Variants in NRXN3 observed in about 807,000 individuals in gnomAD.
NRXN3 encodes neurexin 3, also known as neurexin III.
Under a neutral mutation model 137.6 loss-of-function variants are expected in NRXN3, and 32 were observed. The ratio of observed to expected loss-of-function variants is 0.23; its 90% CI spans 0.18 to 0.31. The LOEUF (loss-of-function observed/expected upper bound fraction) is 0.31. Ranked by LOEUF, NRXN3 falls within the 10% of genes least tolerant of loss-of-function variation. The pLI is 1.00. For synonymous variants in NRXN3, 798 were observed against 784.5 expected, an observed-to-expected ratio of 1.02 and a Z score of -0.29; for missense variants, 1,574 against 2,062.5, an observed-to-expected ratio of 0.76 and a Z score of 4.59.
At chr14:79,438,747 C>T (rs2095882820) in intron 15 of NRXN3, among the ~76,000 whole-genome samples, 1 of 152,132 alleles carries the variant, frequency 6.6e-6, no homozygotes, top group South Asian at 2.1e-4. Context: ...GTTCAGAGTA[C>T]CTGAAAGAGC....
In NRXN3 at chr14:78,824,271, G is replaced by A. The variant is rs147818078; in HGVS notation, c.2275+13927G>A. On this transcript the variant is annotated intron_variant, in intron 10 of 20. Coordinates refer to ENST00000335750, the MANE Select transcript of NRXN3 (RefSeq NM_001330195.2). ...AACTTAGTTTTTAAGGTTTCTCTGG[G>A]TACTCCTTGGCCAATAGGGGATTCT... Among the ~76,000 whole-genome samples the A allele has an allele frequency of 5.9e-4, 89 of 152,090 alleles. 1 individual carries two copies. The East Asian group carries it at 0.014, about 24-fold the overall frequency.
chr14:79,535,010 A>T (rs894311363), intron 16 of NRXN3, among the ~76,000 whole-genome samples: 9 of 152,212 alleles, frequency 5.9e-5, no homozygotes, highest in African/African-American at 2.2e-4. Context: ...GAAAGAATGT[A>T]ATAGATACCT....
At chr14:78,304,875 A>C (rs1187502467) in intron 4 of NRXN3, among the ~76,000 whole-genome samples, 1 of 152,198 alleles carries the variant, frequency 6.6e-6, no homozygotes, top group African/African-American at 2.4e-5. Context: ...CACAGTCACC[A>C]GATGCTCAAG....
intron 15 of NRXN3, among the ~76,000 whole-genome samples, chr14:79,390,917 C>T (rs956931065): frequency 3.0e-4 from 45 of 152,192 alleles, no homozygotes; most frequent in African/African-American, 7.5e-4. Context: ...TTAGTTAGCA[C>T]GAGAGTGGCT....
At chr14:79,335,313 T>C (rs936341295) in intron 15 of NRXN3, among the ~76,000 whole-genome samples, 1 of 152,114 alleles carries the variant, frequency 6.6e-6, no homozygotes, top group African/African-American at 2.4e-5. Context: ...ACTATTTTAC[T>C]TTGCTTTTTT....
intron 19 of NRXN3, among the ~76,000 whole-genome samples, chr14:79,720,217 C>T (rs2098839657): frequency 6.6e-6 from 1 of 151,970 alleles, no homozygotes; most frequent in Admixed American, 6.6e-5. Context: ...TGCAGGCGAG[C>T]TCCCATTTAT....
chr14:78,701,589 A>T (rs557152963), intron 6 of NRXN3, among the ~76,000 whole-genome samples: 1 of 152,212 alleles, frequency 6.6e-6, no homozygotes, highest in South Asian at 2.1e-4. Flanking sequence ...TGTCCCTTTT[A>T]TATTTTCTTG....
intron 15 of NRXN3, among the ~76,000 whole-genome samples, chr14:79,207,789 T>C (rs2067010250): frequency 6.6e-6 from 1 of 152,144 alleles, no homozygotes; most frequent in African/African-American, 2.4e-5. Context: ...ATACAGAGGA[T>C]CCCTATGGCT....
At chr14:79,756,718 C>A (rs1300100114) in intron 19 of NRXN3, among the ~76,000 whole-genome samples, 1 of 152,090 alleles carries the variant, frequency 6.6e-6, no homozygotes, top group East Asian at 1.9e-4. Flanking sequence ...AAAGTGCTCC[C>A]AATAAGTGAA....
chr14:78,228,708 T>C (rs571324562), intron 1 of NRXN3, among the ~76,000 whole-genome samples: 80 of 152,302 alleles, frequency 5.3e-4, no homozygotes, highest in Non-Finnish European at 9.3e-4. Flanking sequence ...TCCTCAGTGG[T>C]AGAGCTCTGG....
chr14:79,369,178 C>T (rs1442454751), intron 15 of NRXN3, among the ~76,000 whole-genome samples: 2 of 152,070 alleles, frequency 1.3e-5, no homozygotes, highest in African/African-American at 4.8e-5. Context: ...AGGGTATAAT[C>T]AAAGGTGGGT....
intron 4 of NRXN3, among the ~76,000 whole-genome samples, chr14:78,611,514 G>C (rs915063097): frequency 6.6e-6 from 1 of 151,280 alleles, no homozygotes; most frequent in East Asian, 1.9e-4. Context: ...TGACTTACAA[G>C]TTCCAAAGCA....
At chr14:79,402,010 G>A (rs1453674059) in intron 15 of NRXN3, among the ~76,000 whole-genome samples, 2 of 152,174 alleles carry the variant, frequency 1.3e-5, no homozygotes, top group African/African-American at 4.8e-5. Flanking sequence ...TCGAATTCCC[G>A]GGTTTAAGCA....
intron 10 of NRXN3, among the ~76,000 whole-genome samples, chr14:78,829,048 T>C (rs1193706577): frequency 6.6e-6 from 1 of 152,058 alleles, no homozygotes; most frequent in East Asian, 1.9e-4. Flanking sequence ...TGCAGAGACA[T>C]TGACAAAGGT....
intron 4 of NRXN3, among the ~76,000 whole-genome samples, chr14:78,637,240 T>C (rs2097575131): frequency 1.3e-5 from 2 of 152,232 alleles, no homozygotes; most frequent in Admixed American, 6.5e-5. Flanking sequence ...CTAAATACTC[T>C]GTGCTCTTCT....
rs145877135 is a variant in NRXN3, at chr14:78,584,740, C to T, written c.758-60380C>T. 2.9e-3 allele frequency among the ~76,000 whole-genome samples: 439 copies of T among 152,296 alleles called. 5 individuals carry two copies. Among genetic ancestry groups the T allele is most frequent in the African/African-American group, 0.01 (424 of 41,572 alleles). On this transcript the variant is annotated intron_variant, in intron 4 of 20. Coordinates refer to ENST00000335750, the MANE Select transcript of NRXN3 (RefSeq NM_001330195.2). ...TTATTGGAGGAATTTATGAATTTTA[C>T]ATCTTGTGTGAGAGGCTGACAGAAC...
At chr14:79,678,728 G>A (rs1667384690) in intron 17 of NRXN3, among the ~76,000 whole-genome samples, 1 of 152,090 alleles carries the variant, frequency 6.6e-6, no homozygotes, top group Admixed American at 6.6e-5. Context: ...ACTTACTAAT[G>A]TTGTAAGTGC....
intron 16 of NRXN3, among the ~76,000 whole-genome samples, chr14:79,657,117 TTTTA>T (rs574907201): frequency 1.3e-5 from 2 of 152,204 alleles, no homozygotes; most frequent in African/African-American, 4.8e-5. Context: ...TTTGCCAAGA[TTTTA>T]TTTATTTCTC....
intron 16 of NRXN3, among the ~76,000 whole-genome samples, chr14:79,634,687 C>T (rs2098389555): frequency 6.6e-6 from 1 of 152,140 alleles, no homozygotes; most frequent in African/African-American, 2.4e-5. Flanking sequence ...TCTCCTCATC[C>T]ATCTGCCCCC....
Sources: allele counts gnomAD v4.1 joint callset (sites outside exome capture counted in the v4.1 genomes callset), GRCh38; gene constraint gnomAD v4.1.1; transcripts MANE v1.5; gene names NCBI Gene and HGNC (gene_info 2026-07-23, HGNC 2026-07-21).